KCNU1: variants seen among roughly 807,000 people sequenced by gnomAD.
KCNU1 encodes potassium channel subfamily U member 1.
KCNU1 carries 93 observed loss-of-function variants against 126.8 expected under a neutral mutation model. The observed-to-expected ratio is 0.73, with a 90% confidence interval of 0.62 to 0.87. The LOEUF is 0.87. Ranked by LOEUF, KCNU1 falls within the 40% of genes least tolerant of loss-of-function variation. The probability of loss-of-function intolerance (pLI) is 0.00; values close to 1 mark genes in which losing one functional copy is unlikely to be tolerated. For missense variants in KCNU1, 1,330 were observed against 1,367.1 expected (o/e 0.97, Z 0.43); for synonymous variants, 523 against 494.2 (o/e 1.06, Z -0.77).
chr8:36,864,790 A>G (rs1301252690), intron 19 of KCNU1, among the ~76,000 whole-genome samples: 2 of 152,174 alleles, frequency 1.3e-5, no homozygotes, highest in Non-Finnish European at 2.9e-5. Flanking sequence ...CAGGCACTTT[A>G]GAAATGTAAG....
Position 36,930,971 on chromosome 8 carries a change from C to A in KCNU1, c.2757C>A (p.Val919=). Residue 919 remains valine (V), a synonymous_variant, in exon 25 of 27, where the codon GTC becomes GTA. Transcript: ENST00000399881. ...LLATAFYNYH[V]LELLQMLVTG... ...TCCAGGCCTTCTACAATTATCATGT[C>A]CTGGAATTGCTTCAGATGCTGGTGA... The A allele has an allele frequency of 6.2e-7, 1 of 1,607,214 alleles. No homozygotes were observed. Among genetic ancestry groups the A allele is most frequent in the Non-Finnish European group, 8.5e-7 (1 of 1,176,844 alleles).
intron 19 of KCNU1, among the ~76,000 whole-genome samples, chr8:36,903,534 ATAAG>A (rs1356547395): frequency 9.2e-5 from 14 of 152,198 alleles, no homozygotes; most frequent in African/African-American, 3.4e-4. Context: ...AATAAATAAA[ATAAG>A]TAAGTGTGTA....
Position 36,887,442 on chromosome 8 carries a change from G to GTT in KCNU1, c.2010-18258_2010-18257dup, listed in dbSNP as rs71278791. The stretch of plus-strand genomic sequence containing the variant: ...TTTTTCACATGTTTATTGGCCATTT[G>GTT]TTTTTTTTTGTTTTTTTTTTTTTTT... On this transcript the variant is annotated intron_variant, in intron 19 of 26. Transcript: ENST00000399881. 1.6e-3 allele frequency among the ~76,000 whole-genome samples: 195 copies of GTT among 124,904 alleles called. 1 individual carries two copies. The highest frequency in any genetic ancestry group is 2.3e-3 in the East Asian group (8 of 3,542). The allele number at this position is 124,904 out of a possible 152,430, so 81.9% of individuals were successfully genotyped here.
At chr8:36,846,574 G>GGGGT (rs1563292062) in intron 18 of KCNU1, among the ~76,000 whole-genome samples, 1 of 151,982 alleles carries the variant, frequency 6.6e-6, no homozygotes, top group Non-Finnish European at 1.5e-5. Flanking sequence ...GAGGCCAAGG[G>GGGGT]GGGTGGATCA....
At chr8:36,820,483 A>G (rs1325345916) in intron 10 of KCNU1, among the ~76,000 whole-genome samples, 2 of 152,068 alleles carry the variant, frequency 1.3e-5, no homozygotes, top group African/African-American at 4.8e-5. Flanking sequence ...AATTTTAGTA[A>G]CACTGTCACC....
intron 21 of KCNU1, among the ~76,000 whole-genome samples, chr8:36,910,686 T>A (rs1278830921): frequency 6.6e-6 from 1 of 152,096 alleles, no homozygotes; most frequent in Non-Finnish European, 1.5e-5. Context: ...CCCTCCCCAC[T>A]CTCCTCTGTC....
At chr8:36,927,756 T>C (rs1281965040) in intron 24 of KCNU1, among the ~76,000 whole-genome samples, 4 of 152,222 alleles carry the variant, frequency 2.6e-5, no homozygotes, top group South Asian at 2.1e-4. Context: ...AGTTAAAACA[T>C]TATGGGCAGC....
intron 19 of KCNU1, among the ~76,000 whole-genome samples, chr8:36,901,507 A>T (rs1440394923): frequency 6.6e-6 from 1 of 152,104 alleles, no homozygotes; most frequent in Non-Finnish European, 1.5e-5. Flanking sequence ...CGTTCTGCTC[A>T]TGAGACACAG....
intron 18 of KCNU1, among the ~76,000 whole-genome samples, chr8:36,847,530 C>T (rs543242677): frequency 1.3e-5 from 2 of 152,140 alleles, no homozygotes; most frequent in Non-Finnish European, 2.9e-5. Context: ...CTTTAATAAC[C>T]ACAAGTCGAG....
chr8:36,786,229 A>C (rs1284630031), intron 1 of KCNU1, among the ~76,000 whole-genome samples: 1 of 152,176 alleles, frequency 6.6e-6, no homozygotes, highest in Non-Finnish European at 1.5e-5. Context: ...TACATCTATA[A>C]ATATGAGTTT....
intron 19 of KCNU1, among the ~76,000 whole-genome samples, chr8:36,887,992 G>C (rs1258365801): frequency 6.6e-6 from 1 of 152,112 alleles, no homozygotes; most frequent in Non-Finnish European, 1.5e-5. Flanking sequence ...CTCCTCTCCT[G>C]TCATGGCTGG....
At chr8:36,883,735 GAGCTGAGATGATGTCACTGCACTCCA>G (rs1806582530) in intron 19 of KCNU1, among the ~76,000 whole-genome samples, 1 of 152,140 alleles carries the variant, frequency 6.6e-6, no homozygotes, top group African/African-American at 2.4e-5. Context: ...AGGCTGCAGT[GAGCTGAGATGATGTCACTGCACTCCA>G]GCCTGGATTG....
At chr8:36,905,471 A>AAG (rs1304815680) in intron 19 of KCNU1, among the ~76,000 whole-genome samples, 1 of 151,790 alleles carries the variant, frequency 6.6e-6, no homozygotes, top group African/African-American at 2.4e-5. Flanking sequence ...AAAAAAAAAA[A>AAG]AAAATCCTGA....
intron 14 of KCNU1, 118 bp downstream of exon 14, chr8:36,837,063 T>A: frequency 1.2e-5 from 11 of 883,130 alleles, no homozygotes; most frequent in Non-Finnish European, 2.0e-5. Flanking sequence ...AGATATGACT[T>A]CTGCTTGAGC....
At chr8:36,898,343 T>C (rs1807278689) in intron 19 of KCNU1, among the ~76,000 whole-genome samples, 1 of 152,064 alleles carries the variant, frequency 6.6e-6, no homozygotes, top group South Asian at 2.1e-4. Context: ...AACATTTTGA[T>C]GGGTGCTATT....
At chr8:36,785,674 G>A (rs1389462436) in intron 1 of KCNU1, among the ~76,000 whole-genome samples, 1 of 152,122 alleles carries the variant, frequency 6.6e-6, no homozygotes, top group Non-Finnish European at 1.5e-5. Flanking sequence ...ACTGACATAT[G>A]GGTAAATAGC....
chr8:36,903,300 G>A (rs1807491338), intron 19 of KCNU1, among the ~76,000 whole-genome samples: 1 of 152,074 alleles, frequency 6.6e-6, no homozygotes, highest in African/African-American at 2.4e-5. Context: ...TGAGTTTGGG[G>A]GTGAGGCATT....
At chr8:36,922,457 G>A (rs367795984) in intron 23 of KCNU1, 33 bp from the exon 24 acceptor site, 3 of 1,599,946 alleles carry the variant, frequency 1.9e-6, no homozygotes, top group Non-Finnish European at 2.6e-6. Context: ...AACCTGATCT[G>A]CTTGTCTTTC....
chr8:36,903,948 T>G (rs531180433), intron 19 of KCNU1, among the ~76,000 whole-genome samples: 137 of 152,248 alleles, frequency 9.0e-4, no homozygotes, highest in Middle Eastern at 3.4e-3. Flanking sequence ...ACCATCCCCA[T>G]TATTCAATTA....
Sources: gnomAD v4.1 joint callset for allele counts (sites outside exome capture counted in the v4.1 genomes callset) on GRCh38, gnomAD v4.1.1 for gene constraint, MANE v1.5 for transcripts, NCBI Gene and HGNC (gene_info 2026-07-23, HGNC 2026-07-21) for gene names.